MYO7A: variants seen among roughly 807,000 people sequenced by gnomAD.
MYO7A encodes the protein myosin VIIA.
A neutral mutation model predicts 263.8 loss-of-function variants in MYO7A; 210 were observed. The ratio of observed to expected loss-of-function variants is 0.80; its 90% CI spans 0.71 to 0.89. The LOEUF is 0.89. MYO7A is among the 40% of genes least tolerant of loss of function. MYO7A has a pLI of 0.00. For missense variants in MYO7A, 2,820 were observed against 2,968.3 expected, an observed-to-expected ratio of 0.95 and a Z score of 1.16; for synonymous variants, 1,239 against 1,197.3, an observed-to-expected ratio of 1.03 and a Z score of -0.72.
Position 77,214,541 on chromosome 11 carries a change from G to T in MYO7A, c.6559-66G>T, listed in dbSNP as rs1327051393. ...CCCATTGCAGATTCCTGGGAGCTGT[G>T]CTATGGTCTGAGTGGCTGGCCCTGT... On this transcript the variant is annotated intron_variant, in intron 48 of 48. Transcript: ENST00000409709. 1.2e-5 allele frequency: 14 copies of T among 1,202,748 alleles called. No individual in the cohort carries two copies. In the African/African-American group the frequency reaches 2.0e-4, roughly 17 times the overall value. 74.5% of individuals were successfully genotyped at this position (1,202,748 alleles called of 1,614,324 possible).
intron 15 of MYO7A, among the ~76,000 whole-genome samples, chr11:77,170,830 G>A (rs1210484973): frequency 6.6e-6 from 1 of 152,196 alleles, no homozygotes; most frequent in Non-Finnish European, 1.5e-5. Flanking sequence ...AGGAAGTGGT[G>A]AGGGGTCAGG....
At chr11:77,188,172 T>C (rs1316240265) in intron 27 of MYO7A, among the ~76,000 whole-genome samples, 2 of 152,154 alleles carry the variant, frequency 1.3e-5, no homozygotes, top group Admixed American at 1.3e-4. Context: ...TCAGCCTCTG[T>C]CTCCCCATCT....
In MYO7A at chr11:77,190,077, C is replaced by G. The variant is rs776862829; in HGVS notation, c.3688C>G (p.Arg1230Gly). 26 of 1,578,252 alleles carry G rather than the reference C, an allele frequency of 1.6e-5. No individual in the cohort carries two copies. The highest frequency in any genetic ancestry group is 5.5e-5 in the Admixed American group (3 of 54,540). The part of the protein sequence containing the change: ...PPGYAPYCEE[R>G]LRRTFVNGTR... ...CGGCTACGCCCCGTACTGTGAGGAG[C>G]GCCTGAGAAGGACCTTTGTCAATGG... is the stretch of plus-strand genomic sequence containing the variant. Residue 1230 changes from arginine (R) to glycine (G), a missense_variant, in exon 29 of 49, where the codon CGC (arginine) becomes GGC (glycine). Transcript: ENST00000409709.
At chr11:77,205,733 G>A in intron 40 of MYO7A, 116 bp downstream of exon 40, 1 of 1,391,214 alleles carries the variant, frequency 7.2e-7, no homozygotes, top group South Asian at 1.4e-5. Flanking sequence ...CCACCCCTGG[G>A]GTACCTCAAC....
chr11:77,191,958 C>T (rs1944034), intron 30 of MYO7A, 93 bp from the exon 31 acceptor site: 86 of 1,160,140 alleles, frequency 7.4e-5, no homozygotes, highest in Non-Finnish European at 1.0e-4. Context: ...GCTGGGCCTC[C>T]GTTTTCTGTC....
rs1956472279 is a variant in MYO7A, at chr11:77,194,277, CT to C, written c.4153-76del. The C allele has an allele frequency of 3.3e-6, 5 of 1,519,432 alleles. No individual in the cohort carries two copies. In the Admixed American group the frequency reaches 9.7e-5, roughly 30 times the overall value. 94.1% of individuals were successfully genotyped at this position (1,519,432 alleles called of 1,614,324 possible). A position where few individuals can be genotyped will look rare whatever the true frequency, so the allele number is the denominator to read the frequency against. ...CAGGAGGCAGGGCCAGGAGAGGGGCCTGGAGCCTTTGGTGGTGTGGAAGGGC... is the reference window on the plus strand; with the variant it reads ...CAGGAGGCAGGGCCAGGAGAGGGGCCGGAGCCTTTGGTGGTGTGGAAGGGC... On this transcript the variant is annotated intron_variant, in intron 31 of 48. Coordinates refer to ENST00000409709, the MANE Select transcript of MYO7A (RefSeq NM_000260.4).
At chr11:77,207,255 C>T (rs894308875) in intron 41 of MYO7A, 34 bp from the exon 42 acceptor site, 3 of 1,512,860 alleles carry the variant, frequency 2.0e-6, no homozygotes, top group Non-Finnish European at 2.7e-6. Flanking sequence ...CGGGAAAGGC[C>T]CTGCAGGAGC....
At chr11:77,184,516 C>T (rs950443897) in intron 26 of MYO7A, 72 bp from the exon 27 acceptor site, 13 of 1,363,444 alleles carry the variant, frequency 9.5e-6, no homozygotes, top group Admixed American at 6.0e-5. Flanking sequence ...CAGGCAGCCT[C>T]GGGTGCTGGT....
chr11:77,160,776 T>G (rs1952919199), intron 11 of MYO7A, among the ~76,000 whole-genome samples, 197 bp from the exon 12 acceptor site: 1 of 151,916 alleles, frequency 6.6e-6, no homozygotes, highest in Non-Finnish European at 1.5e-5. Context: ...AACAGAGCCT[T>G]GAAAAATGTG....
chr11:77,180,066 A>T (rs1420003454), intron 21 of MYO7A, 113 bp downstream of exon 21: 2 of 1,140,310 alleles, frequency 1.8e-6, no homozygotes, highest in Non-Finnish European at 2.4e-6. Context: ...ACCTGCAGTT[A>T]TGCCTGCTCT....
chr11:77,189,276 G>T, intron 27 of MYO7A, 68 bp from the exon 28 acceptor site: 1 of 1,596,120 alleles, frequency 6.3e-7, no homozygotes. Context: ...CTGGCTGCTA[G>T]GAGGAGGTGG....
At position 77,197,541 on chromosome 11, in the gene MYO7A, G is replaced by A; in HGVS notation, c.4384G>A (p.Ala1462Thr). 1 of 1,608,504 alleles carries A rather than the reference G, an allele frequency of 6.2e-7. No homozygotes were observed. Residue 1462 changes from alanine to threonine, a missense_variant, in exon 33 of 49, where the codon GCC becomes ACC. Physicochemically the swap from Ala to Thr is moderately conservative, Grantham distance 58. Transcript: ENST00000409709. The stretch of plus-strand genomic sequence containing the variant: ...GGTCAAAGAGGATGTGGTCAGTTAT[G>A]CCCGCTTCAAGTGGCCCTTGCTCTT... ...QKVKEDVVSY[A>T]RFKWPLLFSR...
At chr11:77,163,097 A>G in intron 14 of MYO7A, 109 bp downstream of exon 14, 1 of 1,199,616 alleles carries the variant, frequency 8.3e-7, no homozygotes, top group Non-Finnish European at 1.2e-6. Flanking sequence ...AAAAATTGTG[A>G]TTATTCATAT....
chr11:77,202,175 A>G, intron 36 of MYO7A, 125 bp from the exon 37 acceptor site: 1 of 1,234,792 alleles, frequency 8.1e-7, no homozygotes, highest in Non-Finnish European at 1.1e-6. Context: ...CAGGGTCAGA[A>G]TGGGGCATGG....
intron 14 of MYO7A, 123 bp downstream of exon 14, chr11:77,163,111 T>TAC: frequency 9.6e-7 from 1 of 1,044,592 alleles, no homozygotes; most frequent in South Asian, 1.7e-5. Context: ...TTCATATATA[T>TAC]ATATATATGA....
At chr11:77,134,747 T>G (rs892418092) in intron 2 of MYO7A, among the ~76,000 whole-genome samples, 1 of 152,156 alleles carries the variant, frequency 6.6e-6, no homozygotes, top group African/African-American at 2.4e-5. Flanking sequence ...ATTTTGTATT[T>G]TTTAAAATAC....
In MYO7A at chr11:77,180,412, G is replaced by A. The variant is rs375489617; in HGVS notation, c.2625G>A (p.Ala875=). The change falls in exon 22 of 49, where the codon GCG becomes GCA. Residue 875 remains alanine, a synonymous_variant. Transcript: ENST00000409709. ...TCGAGGCTGAGAAAATGCGGCTGGC[G>A]GAGGAAGAGAAGCTTCGGAAGGAGA... ...WRLEAEKMRL[A]EEEKLRKEMS... The A allele has an allele frequency of 8.9e-5, 143 of 1,612,300 alleles. No homozygotes were observed. The highest frequency in any genetic ancestry group is 2.0e-4 in the Admixed American group (12 of 59,990).
chr11:77,195,623 T>G (rs1007595367), intron 32 of MYO7A, among the ~76,000 whole-genome samples: 13 of 152,256 alleles, frequency 8.5e-5, no homozygotes, highest in Admixed American at 2.6e-4. Flanking sequence ...CACAGCCCTT[T>G]GTGGGACAGA....
In MYO7A at chr11:77,175,503, C is replaced by G. The variant is rs1565392857; in HGVS notation, c.2187+39C>G. On this transcript the variant is annotated intron_variant, in intron 18 of 48. Coordinates refer to ENST00000409709, the MANE Select transcript of MYO7A (RefSeq NM_000260.4). ...CCTTCCCTGGGCTGCCCTGGGGGGG[C>G]TGTAAATTCCCATGATGTGGGCTGG... 4.4e-6 allele frequency: 7 copies of G among 1,580,600 alleles called. No individual in the cohort carries two copies. In the South Asian group the frequency reaches 7.7e-5, roughly 17 times the overall value.
Sources: gnomAD v4.1 joint callset for allele counts (sites outside exome capture counted in the v4.1 genomes callset) on GRCh38, gnomAD v4.1.1 for gene constraint, MANE v1.5 for transcripts, NCBI Gene and HGNC (gene_info 2026-07-23, HGNC 2026-07-21) for gene names.